Variants in PCDHA2 observed in about 807,000 individuals in gnomAD.
PCDHA2 encodes protocadherin alpha 2.
A neutral mutation model predicts 66.0 loss-of-function variants in PCDHA2; 58 were observed. The ratio of observed to expected loss-of-function variants is 0.88; its 90% CI spans 0.71 to 1.09. The LOEUF is 1.09. Ranked by LOEUF, PCDHA2 falls within the 50% of genes least tolerant of loss-of-function variation. The pLI is 0.00. For synonymous variants in PCDHA2, 634 were observed against 554.0 expected, an observed-to-expected ratio of 1.14 and a Z score of -2.03; for missense variants, 1,267 against 1,242.3, an observed-to-expected ratio of 1.02 and a Z score of -0.30.
At chr5:140,978,703 G>A (rs556167285) in intron 1 of PCDHA2, among the ~76,000 whole-genome samples, 9 of 152,210 alleles carry the variant, frequency 5.9e-5, no homozygotes, top group Non-Finnish European at 1.3e-4. Flanking sequence ...AGCCAAAGGT[G>A]GCCTTTACAA....
At chr5:140,890,223 G>C (rs1218987173) in intron 1 of PCDHA2, among the ~76,000 whole-genome samples, 3 of 152,108 alleles carry the variant, frequency 2.0e-5, no homozygotes, top group Non-Finnish European at 4.4e-5. Context: ...CAGAGACCTA[G>C]TTGTTAAGCA....
intron 1 of PCDHA2, chr5:140,870,378 T>C (rs782676295): frequency 1.9e-6 from 3 of 1,614,036 alleles, no homozygotes; most frequent in African/African-American, 1.3e-5. Flanking sequence ...TGGTGGTGAC[T>C]GCGCGGGATG....
At chr5:140,877,708 G>A in intron 1 of PCDHA2, 12 of 1,614,072 alleles carry the variant, frequency 7.4e-6, no homozygotes, top group Non-Finnish European at 1.0e-5. Flanking sequence ...CAGCGCCGTG[G>A]GGAGTTGGTC....
chr5:140,870,005 T>A lies in PCDHA2; in HGVS notation c.2388+72653T>A, dbSNP rs1006397532. 1 of 1,612,940 alleles carries A rather than the reference T, an allele frequency of 6.2e-7. No individual in the cohort carries two copies. The highest frequency in any genetic ancestry group is 1.7e-5 in the Admixed American group (1 of 59,888). The stretch of plus-strand genomic sequence containing the variant: ...ACACTAGATCAAAATAATGGAGAAG[T>A]GAGGGTCAATGGAACTTTAGATTAT... On this transcript the variant is annotated intron_variant, in intron 1 of 3. Coordinates refer to ENST00000526136, the MANE Select transcript of PCDHA2 (RefSeq NM_018905.3).
At position 140,843,615 on chromosome 5, in the gene PCDHA2, C is replaced by G. The variant is rs111750019; in HGVS notation, c.2388+46263C>G. ...AGGGTGTGCTCTGGTGAGGGGCCAC[C>G]GAAGACGGACCTCATGGCCTTCAGC... On this transcript the variant is annotated intron_variant, in intron 1 of 3. Coordinates refer to ENST00000526136, the MANE Select transcript of PCDHA2 (RefSeq NM_018905.3). The G allele has an allele frequency of 2.1e-5, 33 of 1,595,902 alleles. 4 individuals are homozygous for G. Among genetic ancestry groups the G allele is most frequent in the Middle Eastern group, 3.3e-4 (2 of 6,016 alleles).
rs1311910675 is a variant in PCDHA2, at chr5:140,796,933, C to A, written c.1969C>A (p.Pro657Thr). The A allele has an allele frequency of 1.9e-6, 3 of 1,613,746 alleles. No homozygotes were observed. Among genetic ancestry groups the A allele is most frequent in the Non-Finnish European group, 2.5e-6 (3 of 1,179,998 alleles). The change falls in exon 1 of 4, where the codon CCA becomes ACA. Residue 657 changes from proline (P) to threonine (T), a missense_variant. Physicochemically the swap from Pro to Thr is conservative, Grantham distance 38. Coordinates refer to ENST00000526136, the MANE Select transcript of PCDHA2 (RefSeq NM_018905.3). ...LLVLVKDHGE[P>T]ALTATATVLV... ...CGTGCTGGTGAAGGACCACGGCGAA[C>A]CAGCGTTGACAGCCACGGCCACCGT...
chr5:140,810,168 T>A (rs964600024), intron 1 of PCDHA2: 1 of 152,318 alleles, frequency 6.6e-6, no homozygotes, highest in South Asian at 2.1e-4. Flanking sequence ...TGTTGTTATA[T>A]GTAGTTGTAG....
intron 1 of PCDHA2, chr5:140,871,072 G>A: frequency 6.2e-7 from 1 of 1,613,238 alleles, no homozygotes; most frequent in Non-Finnish European, 8.5e-7. Context: ...CGGTGAGCCG[G>A]CGCTGACGGC....
chr5:140,938,758 A>T (rs2153638695), intron 1 of PCDHA2, among the ~76,000 whole-genome samples: 1 of 152,274 alleles, frequency 6.6e-6, no homozygotes, highest in African/African-American at 2.4e-5. Flanking sequence ...AGGCATAGTT[A>T]TTGGGTACTA....
intron 1 of PCDHA2, chr5:140,854,088 G>A (rs1262177028): frequency 3.8e-6 from 1 of 266,394 alleles, no homozygotes; most frequent in African/African-American, 2.4e-5. Context: ...CTTGAGCCTG[G>A]GACATTGAGG....
chr5:140,951,544 G>T (rs543008494), intron 1 of PCDHA2, among the ~76,000 whole-genome samples: 1 of 151,878 alleles, frequency 6.6e-6, no homozygotes, highest in Non-Finnish European at 1.5e-5. Flanking sequence ...AGCAAGGGAC[G>T]GGGGGAAGTG....
At chr5:140,822,322 A>G (rs886575240) in intron 1 of PCDHA2, 2 of 1,614,208 alleles carry the variant, frequency 1.2e-6, no homozygotes, top group Admixed American at 1.7e-5. Flanking sequence ...AGATGTTAAA[A>G]CAAATGAAGA....
In PCDHA2 at chr5:140,796,695, G is replaced by A. The variant is rs1554120056; in HGVS notation, c.1731G>A (p.Val577=). Residue 577 remains valine, a synonymous_variant, in exon 1 of 4, where the codon GTG becomes GTA. Transcript: ENST00000526136. ...APRAGTAAGA[V]SELVPWSVGA... ...GGGCTGGCACCGCTGCTGGCGCAGT[G>A]AGTGAGCTGGTGCCGTGGTCGGTGG... 4 of 1,613,990 alleles carry A rather than the reference G, an allele frequency of 2.5e-6. No homozygotes were observed. The highest frequency in any genetic ancestry group is 1.1e-5 in the South Asian group (1 of 91,062).
intron 1 of PCDHA2, among the ~76,000 whole-genome samples, chr5:140,826,507 A>G (rs1554130579): frequency 6.6e-6 from 1 of 152,188 alleles, no homozygotes. Context: ...TAAGGTGAAG[A>G]TGATCATGTC....
At chr5:140,928,272 T>TG in intron 1 of PCDHA2, 1 of 1,614,156 alleles carries the variant, frequency 6.2e-7, no homozygotes, top group Admixed American at 1.7e-5. Context: ...ACAATGGCCC[T>TG]GGGGCCTCTC....
Position 140,796,103 on chromosome 5 carries a change from G to T in PCDHA2, c.1139G>T (p.Gly380Val). Residue 380 changes from glycine (G) to valine (V), a missense_variant, in exon 1 of 4, where the codon GGT becomes GTT. Gly to Val is a moderately radical substitution (Grantham distance 109, BLOSUM62 -3). Transcript: ENST00000526136. ...ALITVSDRDS[G>V]TNGHVTCSLT... The stretch of plus-strand genomic sequence containing the variant: ...ATCACGGTGTCGGATCGCGACTCTG[G>T]TACGAATGGACATGTCACCTGCTCC... 2 of 1,614,180 alleles carry T rather than the reference G, an allele frequency of 1.2e-6. No individual in the cohort carries two copies. The highest frequency in any genetic ancestry group is 1.7e-6 in the Non-Finnish European group (2 of 1,180,038).
chr5:140,954,225 A>C (rs1554221300), intron 1 of PCDHA2, among the ~76,000 whole-genome samples: 2 of 152,242 alleles, frequency 1.3e-5, no homozygotes, highest in African/African-American at 4.8e-5. Context: ...TGCTATTGTG[A>C]ATAGTGCTGC....
intron 1 of PCDHA2, among the ~76,000 whole-genome samples, chr5:140,937,761 A>C (rs868923892): frequency 6.6e-6 from 1 of 151,650 alleles, no homozygotes; most frequent in Non-Finnish European, 1.5e-5. Flanking sequence ...AAATACAAAA[A>C]ATTAGTCGGG....
rs1554174004 is a variant in PCDHA2, at chr5:140,882,408, G to C, written c.2388+85056G>C. On this transcript the variant is annotated intron_variant, in intron 1 of 3. Coordinates refer to ENST00000526136, the MANE Select transcript of PCDHA2 (RefSeq NM_018905.3). Reference sequence around the variant, plus strand: ...GCAAAACACGGCACCTTCGTGGGCCGCATCGCTCAGGACCTGGGGCTGGAG... The same window carrying C: ...GCAAAACACGGCACCTTCGTGGGCCCCATCGCTCAGGACCTGGGGCTGGAG... The C allele has an allele frequency of 3.1e-6, 5 of 1,614,138 alleles. No homozygotes were observed. The highest frequency in any genetic ancestry group is 3.3e-5 in the Admixed American group (2 of 60,036).
Sources: gnomAD v4.1 joint callset for allele counts (sites outside exome capture counted in the v4.1 genomes callset) on GRCh38, gnomAD v4.1.1 for gene constraint, MANE v1.5 for transcripts, NCBI Gene and HGNC (gene_info 2026-07-23, HGNC 2026-07-21) for gene names.